NFYA: variants seen among roughly 807,000 people sequenced by gnomAD.
NFYA encodes the protein nuclear transcription factor Y subunit alpha, also known as CAAT-box DNA binding protein subunit A.
A neutral mutation model predicts 52.8 loss-of-function variants in NFYA; 28 were observed. The observed-to-expected ratio is 0.53, with a 90% CI of 0.39 to 0.73. The LOEUF is 0.73. NFYA is among the 30% of genes least tolerant of loss of function. The pLI is 0.00. For synonymous variants in NFYA, 150 were observed against 150.7 expected (o/e 1.00, Z 0.03); for missense variants, 234 against 427.0 (o/e 0.55, Z 3.98).
At chr6:41,095,094 C>G (rs753643965) in intron 9 of NFYA, among the ~76,000 whole-genome samples, 20 of 152,168 alleles carry the variant, frequency 1.3e-4, no homozygotes, top group Non-Finnish European at 2.6e-4. Flanking sequence ...CTCTAGCCTA[C>G]TCTCCACATC....
In NFYA at chr6:41,101,704, TGAG is replaced by T. The variant is rs1261640853; in HGVS notation, c.*4299_*4301del. 2.0e-5 allele frequency among the ~76,000 whole-genome samples: 3 copies of T among 151,964 alleles called. No individual in the cohort carries two copies. Among genetic ancestry groups the T allele is most frequent in the African/African-American group, 7.3e-5 (3 of 41,374 alleles). On this transcript the variant is annotated 3_prime_UTR_variant, in exon 10 of 10. Coordinates refer to ENST00000341376, the MANE Select transcript of NFYA (RefSeq NM_002505.5). Reference sequence around the variant, plus strand: ...GTGTGAGTGGTTCTCTAGCCAGACATGAGGAGGGATCCTATTGTTTCCCATAGC... The same window carrying T: ...GTGTGAGTGGTTCTCTAGCCAGACATGAGGGATCCTATTGTTTCCCATAGC...
intron 3 of NFYA, 57 bp downstream of exon 3, chr6:41,080,954 C>G: frequency 7.2e-7 from 1 of 1,386,022 alleles, no homozygotes; most frequent in Non-Finnish European, 1.0e-6. Flanking sequence ...CTCCTCATGT[C>G]TGGTGCTGTT....
intron 4 of NFYA, among the ~76,000 whole-genome samples, chr6:41,086,922 A>G (rs1004699364): frequency 6.6e-6 from 1 of 152,178 alleles, no homozygotes; most frequent in Non-Finnish European, 1.5e-5. Context: ...AAAAGAAAAT[A>G]TAAGAATTTT....
rs1040121203 is a variant in NFYA at position 41,102,334 on chromosome 6, G to T, written c.*4924G>T. Among the ~76,000 whole-genome samples the T allele has an allele frequency of 6.6e-6, 1 of 152,098 alleles. No homozygotes were observed. The highest frequency in any genetic ancestry group is 6.5e-5 in the Admixed American group (1 of 15,286). On this transcript the variant is annotated 3_prime_UTR_variant, in exon 10 of 10. Transcript: ENST00000341376. ...TATTGACTCATTGTTCAAAGGGGGG[G>T]CAGGAGGAGCTAATTTCCTTTGCAC...
intron 3 of NFYA, 87 bp from the exon 4 acceptor site, chr6:41,083,959 C>A: frequency 1.6e-6 from 2 of 1,290,092 alleles, no homozygotes; most frequent in Non-Finnish European, 2.1e-6. Context: ...TCTAGCAAGG[C>A]AGCAGAATAG....
Position 41,100,988 on chromosome 6 carries a change from C to T in NFYA, c.*3578C>T, listed in dbSNP as rs1764484914. 1 of 152,298 alleles carries T rather than the reference C, an allele frequency of 6.6e-6. No homozygotes were observed. 9.4% of individuals were successfully genotyped at this position (152,298 alleles called of 1,614,324 possible). ...GCTAGGCGGATTGGCTGCTACGCGG[C>T]TGGGCCCTGTTTCCGGTACCTAGGC... On this transcript the variant is annotated 3_prime_UTR_variant, in exon 10 of 10. Transcript: ENST00000341376.
intron 9 of NFYA, among the ~76,000 whole-genome samples, chr6:41,095,184 T>G (rs979570010): frequency 2.1e-4 from 32 of 152,296 alleles, no homozygotes; most frequent in African/African-American, 7.2e-4. Flanking sequence ...CCTTTCCCAT[T>G]TGCACTTAGA....
chr6:41,093,571 A>G (rs570186024), intron 8 of NFYA, among the ~76,000 whole-genome samples: 1 of 152,054 alleles, frequency 6.6e-6, no homozygotes, highest in Admixed American at 6.5e-5. Context: ...TCCATGTTCA[A>G]GTGATTCTCC....
At position 41,100,955 on chromosome 6, in the gene NFYA, T is replaced by C. The variant is rs1326613290; in HGVS notation, c.*3545T>C. The C allele has an allele frequency of 6.6e-6, 1 of 152,250 alleles. No individual in the cohort carries two copies. The highest frequency in any genetic ancestry group is 1.9e-4 in the East Asian group (1 of 5,192). The allele number at this position is 152,250 out of a possible 1,614,324, so 9.4% of individuals were successfully genotyped here. A position where few individuals can be genotyped will look rare whatever the true frequency, so the allele number is the denominator to read the frequency against. ...GGATTGATCGGCGGCAGGCCTCCAATAGAGCCTGCTAGGCGGATTGGCTGC... is the reference window on the plus strand; with the variant it reads ...GGATTGATCGGCGGCAGGCCTCCAACAGAGCCTGCTAGGCGGATTGGCTGC... On this transcript the variant is annotated 3_prime_UTR_variant, in exon 10 of 10. Coordinates refer to ENST00000341376, the MANE Select transcript of NFYA (RefSeq NM_002505.5).
Position 41,094,475 on chromosome 6 carries a change from A to G in NFYA, c.968A>G (p.Glu323Gly), listed in dbSNP as rs762258796. 4 of 1,613,830 alleles carry G rather than the reference A, an allele frequency of 2.5e-6. No individual in the cohort carries two copies. The highest frequency in any genetic ancestry group is 3.4e-6 in the Non-Finnish European group (4 of 1,179,690). Residue 323 changes from glutamate to glycine, a missense_variant, in exon 9 of 10, where the codon GAA (glutamate) becomes GGA (glycine). By Grantham distance (98) the Glu-to-Gly change is moderately conservative (BLOSUM62 -2). Coordinates refer to ENST00000341376, the MANE Select transcript of NFYA (RefSeq NM_002505.5). ...GEGGRFFSPK[E>G]KDSPHMQDPN... ...GGTGGACGATTTTTCTCTCCAAAGG[A>G]AAAGGATAGTCCCCATATGCAGGTA...
intron 4 of NFYA, among the ~76,000 whole-genome samples, chr6:41,088,736 T>A (rs2113809715): frequency 6.6e-6 from 1 of 151,680 alleles, no homozygotes; most frequent in South Asian, 2.1e-4. Flanking sequence ...AGGCATGTCC[T>A]ACCATGCCTG....
In NFYA at chr6:41,091,528, T is replaced by C; in HGVS notation, c.548T>C (p.Val183Ala). Residue 183 changes from valine to alanine, a missense_variant and splice_region_variant, in exon 7 of 10, where the codon GTT becomes GCT. Val to Ala is a moderately conservative substitution (Grantham distance 64). Around this residue, in one of 3 missense-constraint regions of NFYA, gnomAD observed 81 missense variants for 210.5 expected, o/e 0.38. Transcript: ENST00000341376. ...TGTTTTATGTTTTGTTTTCTTAAAG[T>C]TACAGTCCCTGTTTCAGGCATGATC... ...VNADGTILQQ[V>A]TVPVSGMITI... The C allele has an allele frequency of 6.2e-7, 1 of 1,613,256 alleles. No individual in the cohort carries two copies. The highest frequency in any genetic ancestry group is 8.5e-7 in the Non-Finnish European group (1 of 1,179,742).
Position 41,084,193 on chromosome 6 carries a change from G to A in NFYA, c.309+1G>A. ...TTCTGGAACACAGGGTTTGCAGCAAGTGAGTAATATTTAAAAATATTGAGC... is the reference window on the plus strand; with the variant it reads ...TTCTGGAACACAGGGTTTGCAGCAAATGAGTAATATTTAAAAATATTGAGC... On this transcript the variant is annotated splice_donor_variant, in intron 4 of 9. Coordinates refer to ENST00000341376, the MANE Select transcript of NFYA (RefSeq NM_002505.5). LOFTEE classifies it high-confidence loss of function. 6.2e-7 allele frequency: 1 copy of A among 1,613,600 alleles called. No individual in the cohort carries two copies. Among genetic ancestry groups the A allele is most frequent in the Non-Finnish European group, 8.5e-7 (1 of 1,179,822 alleles).
At chr6:41,094,083 C>T (rs1764277926) in intron 8 of NFYA, among the ~76,000 whole-genome samples, 1 of 152,082 alleles carries the variant, frequency 6.6e-6, no homozygotes, top group South Asian at 2.1e-4. Context: ...CACTCATTTG[C>T]TCAAACGAAA....
At chr6:41,087,023 C>T (rs181142101) in intron 4 of NFYA, among the ~76,000 whole-genome samples, 5 of 152,010 alleles carry the variant, frequency 3.3e-5, no homozygotes, top group Admixed American at 2.6e-4. Flanking sequence ...AAGGTGAAAA[C>T]TTGGAAAAGA....
At chr6:41,089,832 A>G in intron 5 of NFYA, 122 bp downstream of exon 5, 1 of 1,402,018 alleles carries the variant, frequency 7.1e-7, no homozygotes. Flanking sequence ...AAAAAAATAT[A>G]TTTTTGGCCG....
chr6:41,073,941 G>T (rs1381270297), intron 1 of NFYA, among the ~76,000 whole-genome samples: 1 of 151,502 alleles, frequency 6.6e-6, no homozygotes, highest in Non-Finnish European at 1.5e-5. Flanking sequence ...TTCTTGTCCG[G>T]GCTGTAAGAC....
Position 41,101,338 on chromosome 6 carries a change from G to A in NFYA, c.*3928G>A, listed in dbSNP as rs1405873559. Among the ~76,000 whole-genome samples the A allele has an allele frequency of 6.6e-6, 1 of 152,196 alleles. No individual in the cohort carries two copies. The highest frequency in any genetic ancestry group is 2.4e-5 in the African/African-American group (1 of 41,448). ...CTGCGGCTTCCTTAGGAAACTTTGA[G>A]TATCTTCGTTTTAGCGTGGGAGGAC... is the stretch of plus-strand genomic sequence containing the variant. On this transcript the variant is annotated 3_prime_UTR_variant, in exon 10 of 10. Coordinates refer to ENST00000341376, the MANE Select transcript of NFYA (RefSeq NM_002505.5).
chr6:41,083,894 G>T (rs1763974580), intron 3 of NFYA, 152 bp from the exon 4 acceptor site: 1 of 669,214 alleles, frequency 1.5e-6, no homozygotes, highest in Non-Finnish European at 2.3e-6. Context: ...GATATTTAAA[G>T]ATAACTTGAG....
Sources: gnomAD v4.1 joint callset for allele counts (sites outside exome capture counted in the v4.1 genomes callset) on GRCh38, gnomAD v4.1.1 for gene constraint, gnomAD v4.1.1 regional missense constraint, MANE v1.5 for transcripts, NCBI Gene and HGNC (gene_info 2026-07-23, HGNC 2026-07-21) for gene names.